SIPA1L1: variants seen among roughly 807,000 people sequenced by gnomAD.
The protein encoded by SIPA1L1 is signal-induced proliferation-associated 1-like protein 1.
SIPA1L1 carries 26 observed loss-of-function variants against 162.7 expected under a neutral mutation model. The ratio of observed to expected loss-of-function variants is 0.16; its 90% CI spans 0.12 to 0.22. The LOEUF (loss-of-function observed/expected upper bound fraction) is 0.22. Ranked by LOEUF, SIPA1L1 falls within the 10% of genes least tolerant of loss-of-function variation. The pLI is 1.00. For synonymous variants in SIPA1L1, 829 were observed against 837.4 expected (o/e 0.99, Z 0.17); for missense variants, 1,874 against 2,241.0 (o/e 0.84, Z 3.31).
chr14:71,725,276 A>G (rs1597242983), intron 19 of SIPA1L1, among the ~76,000 whole-genome samples: 1 of 152,078 alleles, frequency 6.6e-6, no homozygotes, highest in Non-Finnish European at 1.5e-5. Context: ...TGTCTGGCAA[A>G]CCTACTGGCC....
At chr14:71,520,524 T>A (rs1225471322) in intron 3 of SIPA1L1, among the ~76,000 whole-genome samples, 3 of 152,068 alleles carry the variant, frequency 2.0e-5, no homozygotes, top group African/African-American at 7.2e-5. Flanking sequence ...AAAAATGAAG[T>A]GTCACTCTGG....
intron 2 of SIPA1L1, among the ~76,000 whole-genome samples, chr14:71,479,241 T>C (rs1329211775): frequency 6.6e-6 from 1 of 152,180 alleles, no homozygotes; most frequent in Admixed American, 6.5e-5. Context: ...TTTCCAGGTA[T>C]TATAACTGCA....
chr14:71,551,688 C>CA (rs2055846188), intron 4 of SIPA1L1, among the ~76,000 whole-genome samples: 1 of 152,164 alleles, frequency 6.6e-6, no homozygotes, highest in South Asian at 2.1e-4. Context: ...AACCCCATAC[C>CA]AGGCCCTGCA....
rs1209938765 is a variant in SIPA1L1, at chr14:71,621,816, T to C, written c.1630-2232T>C. Reference sequence around the variant, plus strand: ...CTGTCTCCTTCCATCCCTTTCTCCATGTCTTTCCTCCTTTTCCTCTCTTCC... The same window carrying C: ...CTGTCTCCTTCCATCCCTTTCTCCACGTCTTTCCTCCTTTTCCTCTCTTCC... On this transcript the variant is annotated intron_variant, in intron 6 of 23. Transcript: ENST00000381232. Among the ~76,000 whole-genome samples, 5 of 152,136 alleles carry C rather than the reference T, an allele frequency of 3.3e-5. No homozygotes were observed. In the East Asian group the frequency reaches 9.6e-4, roughly 29 times the overall value.
At chr14:71,733,953 A>T in intron 21 of SIPA1L1, 141 bp downstream of exon 21, 1 of 858,266 alleles carries the variant, frequency 1.2e-6, no homozygotes, top group Non-Finnish European at 1.7e-6. Context: ...TTCAGTAGGG[A>T]CCAGACCCTA....
chr14:71,738,484 C>T (rs2085518560), intron 23 of SIPA1L1, among the ~76,000 whole-genome samples, 159 bp downstream of exon 23: 1 of 152,150 alleles, frequency 6.6e-6, no homozygotes, highest in South Asian at 2.1e-4. Context: ...CTGGAACACA[C>T]AGCATGAGGA....
At chr14:71,444,955 C>T (rs181138500) in intron 2 of SIPA1L1, among the ~76,000 whole-genome samples, 60 of 152,256 alleles carry the variant, frequency 3.9e-4, no homozygotes, top group African/African-American at 1.4e-3. Flanking sequence ...TGGGAAGATA[C>T]CTCCACCCCA....
At chr14:71,374,867 A>C (rs558001731) in intron 2 of SIPA1L1, among the ~76,000 whole-genome samples, 37 of 152,220 alleles carry the variant, frequency 2.4e-4, no homozygotes, top group African/African-American at 8.7e-4. Context: ...TCTCAATGAT[A>C]ATTTTACCTA....
At chr14:71,600,102 A>G (rs2036553470) in intron 5 of SIPA1L1, among the ~76,000 whole-genome samples, 2 of 152,188 alleles carry the variant, frequency 1.3e-5, no homozygotes, top group African/African-American at 2.4e-5. Context: ...GCTGTACAAA[A>G]GCTTTTTACT....
intron 2 of SIPA1L1, among the ~76,000 whole-genome samples, chr14:71,464,361 G>A (rs11624555): frequency 0.13 from 19,256 of 152,086 alleles, 1,307 homozygotes; most frequent in Non-Finnish European, 0.14. Flanking sequence ...GCAGAGTCCC[G>A]GCCAGGCATG....
chr14:71,674,748 T>C (rs1317295330), intron 12 of SIPA1L1, among the ~76,000 whole-genome samples: 2 of 151,868 alleles, frequency 1.3e-5, no homozygotes, highest in South Asian at 4.2e-4. Flanking sequence ...GTATTTTTAG[T>C]AGAGACGGGG....
At chr14:71,544,212 C>CAT (rs1491553146) in intron 4 of SIPA1L1, among the ~76,000 whole-genome samples, 3 of 145,372 alleles carry the variant, frequency 2.1e-5, no homozygotes, top group East Asian at 2.0e-4. Flanking sequence ...TATGCACATG[C>CAT]ATGTGTATAT....
chr14:71,704,391 T>C (rs867216624), intron 15 of SIPA1L1, among the ~76,000 whole-genome samples: 11 of 152,318 alleles, frequency 7.2e-5, no homozygotes, highest in South Asian at 2.1e-4. Context: ...TAGGCATCAG[T>C]GTGTTATCAA....
intron 2 of SIPA1L1, among the ~76,000 whole-genome samples, chr14:71,359,659 G>GT (rs1370099283): frequency 1.3e-5 from 2 of 152,088 alleles, no homozygotes; most frequent in Non-Finnish European, 2.9e-5. Context: ...CCTACTGGTT[G>GT]TTTTTTTAAT....
At chr14:71,421,912 C>T (rs181808471) in intron 2 of SIPA1L1, among the ~76,000 whole-genome samples, 13 of 152,220 alleles carry the variant, frequency 8.5e-5, no homozygotes, top group African/African-American at 2.2e-4. Flanking sequence ...GGAGATTTAC[C>T]GCAAGAAGGG....
intron 2 of SIPA1L1, among the ~76,000 whole-genome samples, chr14:71,483,510 G>T (rs991220081): frequency 6.6e-6 from 1 of 152,144 alleles, no homozygotes; most frequent in African/African-American, 2.4e-5. Context: ...GACTACATTT[G>T]TATAAAACCT....
intron 17 of SIPA1L1, among the ~76,000 whole-genome samples, chr14:71,719,545 C>T (rs2083531630): frequency 6.6e-6 from 1 of 152,054 alleles, no homozygotes; most frequent in African/African-American, 2.4e-5. Context: ...ATGTTGAGCA[C>T]CAGTGTTTAT....
At chr14:71,506,439 C>T (rs781415591) in intron 2 of SIPA1L1, among the ~76,000 whole-genome samples, 22 of 152,056 alleles carry the variant, frequency 1.4e-4, no homozygotes, top group Non-Finnish European at 2.5e-4. Flanking sequence ...CTCACAAGTT[C>T]GAGTGATTCT....
intron 2 of SIPA1L1, among the ~76,000 whole-genome samples, chr14:71,355,455 G>T (rs1000601985): frequency 7.2e-5 from 11 of 152,148 alleles, no homozygotes; most frequent in African/African-American, 2.2e-4. Flanking sequence ...GTTATGCCTT[G>T]GCACGAAGTA....
Sources: allele counts gnomAD v4.1 joint callset (sites outside exome capture counted in the v4.1 genomes callset), GRCh38; gene constraint gnomAD v4.1.1; transcripts MANE v1.5; gene names NCBI Gene and HGNC (gene_info 2026-07-23, HGNC 2026-07-21).